Variants in EML6 observed in about 807,000 individuals in gnomAD.
EML6 encodes EMAP like 6, also known as echinoderm microtubule-associated protein-like 6.
A neutral mutation model predicts 240.1 loss-of-function variants in EML6; 154 were observed. The ratio of observed to expected loss-of-function variants is 0.64; its 90% confidence interval spans 0.56 to 0.73. EML6 has a LOEUF of 0.73. Ranked by LOEUF, EML6 falls within the 30% of genes least tolerant of loss-of-function variation. The pLI is 0.00. For missense variants in EML6, 2,964 were observed against 2,474.6 expected (o/e 1.20, Z -4.20); for synonymous variants, 1,148 against 899.0 (o/e 1.28, Z -4.95).
At chr2:54,765,720 A>G (rs551714987) in intron 2 of EML6, among the ~76,000 whole-genome samples, 25 of 152,320 alleles carry the variant, frequency 1.6e-4, no homozygotes, top group African/African-American at 6.0e-4. Flanking sequence ...TCGGCCTCCC[A>G]AAGTGCTGGG....
chr2:54,868,231 T>C (rs1036843898), intron 14 of EML6: 3 of 152,184 alleles, frequency 2.0e-5, no homozygotes, highest in South Asian at 2.1e-4. Flanking sequence ...TATTTTTCTG[T>C]TAGTGTTGCT....
chr2:54,959,277 T>C lies in EML6; in HGVS notation c.4853+16T>C. The stretch of plus-strand genomic sequence containing the variant: ...AAGAGAGGCCGTAAGCCAAAGCTCC[T>C]ATGGAAACAACTTGTCGTTTGTTGT... On this transcript the variant is annotated intron_variant, in intron 34 of 41. Transcript: ENST00000356458. 1.3e-6 allele frequency: 2 copies of C among 1,504,870 alleles called. No homozygotes were observed. The highest frequency in any genetic ancestry group is 1.8e-6 in the Non-Finnish European group (2 of 1,123,610). 93.2% of individuals were successfully genotyped at this position (1,504,870 alleles called of 1,614,324 possible).
rs1475911480 is a variant in EML6 at position 54,878,922 on chromosome 2, T to A, written c.2345-625T>A. Among the ~76,000 whole-genome samples the A allele has an allele frequency of 2.6e-5, 4 of 152,212 alleles. No individual in the cohort carries two copies. In the East Asian group the frequency reaches 7.7e-4, roughly 29 times the overall value. ...ATGTTAGCCTAGAAATTGGGAAGAT[T>A]TAAAAATTTTCTGTATCCATATTTT... On this transcript the variant is annotated intron_variant, in intron 16 of 41. Transcript: ENST00000356458.
At position 54,895,030 on chromosome 2, in the gene EML6, C is replaced by T. The variant is rs759906720; in HGVS notation, c.2854+4C>T. On this transcript the variant is annotated splice_donor_region_variant and intron_variant, in intron 20 of 41. Transcript: ENST00000356458. The stretch of plus-strand genomic sequence containing the variant: ...GCATTGTCGACTAGCTCAAAAGGTG[C>T]CACTCCCAAACATGTAATAGAGATC... 4 of 1,537,334 alleles carry T rather than the reference C, an allele frequency of 2.6e-6. No homozygotes were observed. The South Asian group carries it at 4.8e-5, about 18-fold the overall frequency.
intron 9 of EML6, 148 bp downstream of exon 9, chr2:54,847,771 A>T (rs75686176): frequency 0.011 from 9,811 of 893,710 alleles, 75 homozygotes; most frequent in African/African-American, 0.022. Context: ...CCCTATCTGT[A>T]ATTCTGAAGT....
intron 2 of EML6, among the ~76,000 whole-genome samples, chr2:54,791,443 T>C (rs1443676788): frequency 6.6e-6 from 1 of 152,224 alleles, no homozygotes; most frequent in African/African-American, 2.4e-5. Flanking sequence ...CCAGCAGTAC[T>C]ACCCCTTCCT....
At chr2:54,969,288 G>C (rs1177334591) in intron 41 of EML6, among the ~76,000 whole-genome samples, 1 of 152,090 alleles carries the variant, frequency 6.6e-6, no homozygotes, top group Non-Finnish European at 1.5e-5. Context: ...ATGAATACTG[G>C]GTTCTATTCA....
At chr2:54,889,911 ATCTT>A (rs982243258) in intron 17 of EML6, among the ~76,000 whole-genome samples, 2 of 152,254 alleles carry the variant, frequency 1.3e-5, no homozygotes, top group Admixed American at 1.3e-4. Flanking sequence ...AGTGTGTTCT[ATCTT>A]TAAAGAAAAG....
intron 5 of EML6, among the ~76,000 whole-genome samples, chr2:54,823,458 GT>G (rs5831319): frequency 0.82 from 124,510 of 152,018 alleles, 51,190 homozygotes; most frequent in Middle Eastern, 0.89. Context: ...CTATTCCATA[GT>G]TTTTTTTAGG....
intron 19 of EML6, among the ~76,000 whole-genome samples, chr2:54,893,956 C>CTTGT (rs1199018136): frequency 6.6e-6 from 1 of 152,068 alleles, no homozygotes; most frequent in Non-Finnish European, 1.5e-5. Context: ...TATGGTGTAA[C>CTTGT]TTGTTTAAGC....
intron 11 of EML6, among the ~76,000 whole-genome samples, chr2:54,856,634 G>A (rs529480452): frequency 2.7e-4 from 41 of 152,208 alleles, no homozygotes; most frequent in Non-Finnish European, 4.3e-4. Context: ...GCAGAAGCAG[G>A]AAGGCCAGTG....
chr2:54,912,520 G>C (rs1673696646), intron 25 of EML6, among the ~76,000 whole-genome samples: 1 of 152,130 alleles, frequency 6.6e-6, no homozygotes, highest in Admixed American at 6.5e-5. Flanking sequence ...CCCAGGTAGA[G>C]AGCACAGTAC....
At chr2:54,800,051 C>T (rs1670039306) in intron 2 of EML6, among the ~76,000 whole-genome samples, 1 of 152,138 alleles carries the variant, frequency 6.6e-6, no homozygotes, top group Non-Finnish European at 1.5e-5. Flanking sequence ...TTGAGACCAT[C>T]CTGGCCAACA....
At chr2:54,811,308 G>T (rs1355336028) in intron 2 of EML6, among the ~76,000 whole-genome samples, 2 of 152,172 alleles carry the variant, frequency 1.3e-5, no homozygotes, top group Non-Finnish European at 2.9e-5. Flanking sequence ...GCTTTCAAGA[G>T]CTGCCCCTGC....
At chr2:54,752,122 C>G (rs1329966245) in intron 2 of EML6, among the ~76,000 whole-genome samples, 1 of 152,128 alleles carries the variant, frequency 6.6e-6, no homozygotes, top group African/African-American at 2.4e-5. Context: ...AAATTACATG[C>G]TCTACTTAGG....
At chr2:54,759,727 G>A (rs1667896061) in intron 2 of EML6, among the ~76,000 whole-genome samples, 1 of 152,002 alleles carries the variant, frequency 6.6e-6, no homozygotes, top group African/African-American at 2.4e-5. Context: ...TGAATGCTCA[G>A]GAGAGAGCAT....
chr2:54,815,035 G>A (rs1366473362), intron 3 of EML6, among the ~76,000 whole-genome samples: 2 of 152,146 alleles, frequency 1.3e-5, no homozygotes, highest in African/African-American at 4.8e-5. Flanking sequence ...TGTCTGTACT[G>A]GTATGCACCT....
chr2:54,725,033 G>C lies in EML6; in HGVS notation c.-29G>C. 2 of 1,481,750 alleles carry C rather than the reference G, an allele frequency of 1.3e-6. No individual in the cohort carries two copies. Among genetic ancestry groups the C allele is most frequent in the Non-Finnish European group, 1.8e-6 (2 of 1,116,444 alleles). The allele number at this position is 1,481,750 out of a possible 1,614,324, so 91.8% of individuals were successfully genotyped here. A position where few individuals can be genotyped will look rare whatever the true frequency, so the allele number is the denominator to read the frequency against. On this transcript the variant is annotated 5_prime_UTR_variant, in exon 2 of 42. Transcript: ENST00000356458. The surrounding 1 kb of genome is among the most constrained non-coding windows in gnomAD (Gnocchi z 4.3). ...GCGAGGACGGCCCCGGCGCGCGGGG[G>C]GGCGGGGGGCGCGCGGGGTCGGCTT...
Position 54,847,576 on chromosome 2 carries a change from G to T in EML6, c.1140G>T (p.Gln380His), listed in dbSNP as rs1326593414. The T allele has an allele frequency of 6.4e-7, 1 of 1,552,344 alleles. No homozygotes were observed. The highest frequency in any genetic ancestry group is 1.2e-5 in the South Asian group (1 of 84,060). The change falls in exon 9 of 42, where the codon CAG becomes CAT. Residue 380 changes from glutamine (Q) to histidine (H), a missense_variant. Transcript: ENST00000356458. The stretch of plus-strand genomic sequence containing the variant: ...TAGCTTTCAGCCCCGACGGATCTCA[G>T]CTGGCCCTGGGCATGAAGGACGGCT... Reference protein sequence around the residue: ...RSVAFSPDGSQLALGMKDGSF... With the variant: ...RSVAFSPDGSHLALGMKDGSF...
Sources: gnomAD v4.1 joint callset for allele counts (sites outside exome capture counted in the v4.1 genomes callset) on GRCh38, gnomAD v4.1.1 for gene constraint, Gnocchi (gnomAD v3.1) non-coding constraint, MANE v1.5 for transcripts, NCBI Gene and HGNC (gene_info 2026-07-23, HGNC 2026-07-21) for gene names.